ZNF512: variants seen among roughly 807,000 people sequenced by gnomAD.
The protein encoded by ZNF512 is zinc finger protein 512.
In ZNF512, 25 loss-of-function variants were observed where a neutral mutation model predicts 77.5. The ratio of observed to expected loss-of-function variants is 0.32; its 90% CI spans 0.23 to 0.45. ZNF512 has a LOEUF of 0.45. ZNF512 is among the 20% of genes least tolerant of loss of function. The pLI is 1.00. For missense variants in ZNF512, 483 were observed against 692.6 expected, an observed-to-expected ratio of 0.70 and a Z score of 3.40; for synonymous variants, 246 against 239.9, an observed-to-expected ratio of 1.03 and a Z score of -0.24.
chr2:27,618,019 C>T (rs1050721945), intron 13 of ZNF512, among the ~76,000 whole-genome samples: 2 of 151,454 alleles, frequency 1.3e-5, no homozygotes, highest in African/African-American at 4.9e-5. Flanking sequence ...GCAACCTCCA[C>T]CTCTCGGGTT....
At chr2:27,589,881 C>T (rs1231917316) in intron 2 of ZNF512, among the ~76,000 whole-genome samples, 1 of 152,002 alleles carries the variant, frequency 6.6e-6, no homozygotes, top group South Asian at 2.1e-4. Flanking sequence ...AGATATCTTC[C>T]TATTATTGAC....
At chr2:27,616,143 G>A (rs77186477) in intron 11 of ZNF512, 119 bp from the exon 12 acceptor site, 11 of 649,100 alleles carry the variant, frequency 1.7e-5, no homozygotes, top group Non-Finnish European at 2.3e-5. Context: ...CGTTTGTTTT[G>A]TGGCACAAAT....
At chr2:27,608,075 AT>A in intron 10 of ZNF512, 36 bp downstream of exon 10, 1 of 1,520,502 alleles carries the variant, frequency 6.6e-7, no homozygotes, top group Non-Finnish European at 8.8e-7. Flanking sequence ...GGGAACCATT[AT>A]GTCTAACGTT....
intron 2 of ZNF512, among the ~76,000 whole-genome samples, chr2:27,590,096 A>G (rs998753341): frequency 6.6e-6 from 1 of 152,194 alleles, no homozygotes; most frequent in Non-Finnish European, 1.5e-5. Context: ...AGTTCAGATC[A>G]TTTATGTCTT....
intron 10 of ZNF512, among the ~76,000 whole-genome samples, chr2:27,613,712 A>T (rs1180496044): frequency 6.6e-6 from 1 of 152,050 alleles, no homozygotes; most frequent in Non-Finnish European, 1.5e-5. Context: ...AAAAATCCAC[A>T]TATAAGTGGA....
At chr2:27,613,466 A>T (rs1672750213) in intron 10 of ZNF512, among the ~76,000 whole-genome samples, 1 of 151,826 alleles carries the variant, frequency 6.6e-6, no homozygotes, top group South Asian at 2.1e-4. Context: ...ACTGGACTCC[A>T]GCCTGGGCAA....
rs1443854673 is a variant in ZNF512 at position 27,603,087 on chromosome 2, G to A, written c.769-53G>A. ...GCTTTATGGCTGTTTAGAAATTTAG[G>A]GATCATGTCAAAAGATGTAAGATTA... On this transcript the variant is annotated intron_variant, in intron 8 of 13. Coordinates refer to ENST00000355467, the MANE Select transcript of ZNF512 (RefSeq NM_032434.4). 4 of 1,591,394 alleles carry A rather than the reference G, an allele frequency of 2.5e-6. No homozygotes were observed. In the Admixed American group the frequency reaches 6.9e-5, roughly 28 times the overall value.
chr2:27,583,821 A>G, intron 2 of ZNF512, 105 bp downstream of exon 2: 1 of 1,239,280 alleles, frequency 8.1e-7, no homozygotes, highest in African/African-American at 1.5e-5. Flanking sequence ...GTCCAGTATC[A>G]TAGCCACTAA....
chr2:27,618,646 AAT>A (rs1672997892), intron 13 of ZNF512, among the ~76,000 whole-genome samples: 1 of 152,196 alleles, frequency 6.6e-6, no homozygotes, highest in African/African-American at 2.4e-5. Flanking sequence ...AACAGTGGTA[AAT>A]TTGATTGTTC....
At position 27,610,411 on chromosome 2, in the gene ZNF512, A is replaced by T. The variant is rs72852149; in HGVS notation, c.1131+2372A>T. On this transcript the variant is annotated intron_variant, in intron 10 of 13. Coordinates refer to ENST00000355467, the MANE Select transcript of ZNF512 (RefSeq NM_032434.4). Reference sequence around the variant, plus strand: ...TAAATATTTGTTAACTCATTGATAAAGTTGGGTATTCTCATCTAGCAGAGG... The same window carrying T: ...TAAATATTTGTTAACTCATTGATAATGTTGGGTATTCTCATCTAGCAGAGG... Among the ~76,000 whole-genome samples the T allele has an allele frequency of 3.8e-3, 569 of 148,540 alleles. 2 individuals are homozygous for T. Among genetic ancestry groups the T allele is most frequent in the African/African-American group, 0.014 (550 of 40,732 alleles).
chr2:27,618,613 G>A (rs547186689), intron 13 of ZNF512, among the ~76,000 whole-genome samples: 39 of 152,264 alleles, frequency 2.6e-4, no homozygotes, highest in Admixed American at 9.8e-4. Flanking sequence ...GAGGGAAGAA[G>A]GAAGAGAGGA....
intron 1 of ZNF512, chr2:27,583,382 A>G (rs1357499237): frequency 8.7e-6 from 12 of 1,383,784 alleles, no homozygotes; most frequent in Admixed American, 8.4e-5. Context: ...TACATCCCCA[A>G]TGTCTCTCAT....
chr2:27,601,380 G>A lies in ZNF512; in HGVS notation c.607G>A (p.Gly203Arg). The stretch of plus-strand genomic sequence containing the variant: ...GGAAATGTTTACTTGTCATCATTGT[G>A]GGAAACAACTTCGTTCACTGGCAGG... The part of the protein sequence containing the change: ...KQEMFTCHHC[G>R]KQLRSLAGMK... The change falls in exon 7 of 14, where the codon GGG becomes AGG. Residue 203 changes from glycine (G) to arginine (R), a missense_variant. By Grantham distance (125) the Gly-to-Arg change is moderately radical. Coordinates refer to ENST00000355467, the MANE Select transcript of ZNF512 (RefSeq NM_032434.4). The A allele has an allele frequency of 6.2e-7, 1 of 1,613,934 alleles. No individual in the cohort carries two copies.
chr2:27,617,905 C>CAAAAAA (rs61523057), intron 13 of ZNF512, among the ~76,000 whole-genome samples: 4 of 113,696 alleles, frequency 3.5e-5, no homozygotes, highest in East Asian at 2.7e-4. Context: ...GATCCTGACT[C>CAAAAAA]AAAAAAAAAA....
In ZNF512 at chr2:27,622,360, A is replaced by C. The variant is rs2148052727; in HGVS notation, c.*899A>C. 6.5e-6 allele frequency: 1 copy of C among 152,906 alleles called. No homozygotes were observed. Among genetic ancestry groups the C allele is most frequent in the South Asian group, 2.1e-4 (1 of 4,826 alleles). The allele number at this position is 152,906 out of a possible 1,614,324, so 9.5% of individuals were successfully genotyped here. On this transcript the variant is annotated 3_prime_UTR_variant, in exon 14 of 14. Transcript: ENST00000355467. Reference sequence around the variant, plus strand: ...CTGGTAGTGCCACTAAGGGAAAACCAAGGTGCGCATTCCTTCTCCCTGGAC... The same window carrying C: ...CTGGTAGTGCCACTAAGGGAAAACCCAGGTGCGCATTCCTTCTCCCTGGAC...
At chr2:27,614,806 CT>C (rs77201872) in intron 10 of ZNF512, among the ~76,000 whole-genome samples, 25,822 of 149,684 alleles carry the variant, frequency 0.17, 2,754 homozygotes, top group East Asian at 0.35. Flanking sequence ...GTATCCCTCT[CT>C]TTTTTTTTTA....
At chr2:27,600,928 A>G in intron 6 of ZNF512, 113 bp downstream of exon 6, 2 of 1,340,104 alleles carry the variant, frequency 1.5e-6, no homozygotes. Context: ...ATTGTATAAT[A>G]AAGGAAACAT....
At chr2:27,590,025 C>A (rs967809196) in intron 2 of ZNF512, among the ~76,000 whole-genome samples, 1 of 152,130 alleles carries the variant, frequency 6.6e-6, no homozygotes, top group South Asian at 2.1e-4. Context: ...GAATATATAT[C>A]CTGCAGTTGT....
At chr2:27,614,144 TG>T (rs1205522070) in intron 10 of ZNF512, among the ~76,000 whole-genome samples, 1 of 152,162 alleles carries the variant, frequency 6.6e-6, no homozygotes, top group Non-Finnish European at 1.5e-5. Context: ...GCTTTGGGTG[TG>T]TTTTTTTGTC....
Sources: allele counts gnomAD v4.1 joint callset (sites outside exome capture counted in the v4.1 genomes callset), GRCh38; gene constraint gnomAD v4.1.1; transcripts MANE v1.5; gene names NCBI Gene and HGNC (gene_info 2026-07-23, HGNC 2026-07-21).